RALYL: variants seen among roughly 807,000 people sequenced by gnomAD.
The protein encoded by RALYL is RALY RNA binding protein like.
In RALYL, 29 loss-of-function variants were observed where a neutral mutation model predicts 35.1. That is an observed-to-expected ratio of 0.83 (90% confidence interval 0.61 to 1.13). RALYL has a LOEUF of 1.13. Among genes scored for constraint, RALYL ranks in the 50% most tolerant of loss-of-function variants. The probability of loss-of-function intolerance (pLI) is 0.00; values close to 1 mark genes in which losing one functional copy is unlikely to be tolerated. For missense variants in RALYL, 359 were observed against 360.4 expected (o/e 1.00, Z 0.03); for synonymous variants, 120 against 127.6 (o/e 0.94, Z 0.40).
intron 6 of RALYL, among the ~76,000 whole-genome samples, chr8:84,870,392 G>T (rs1022766651): frequency 6.6e-6 from 1 of 151,448 alleles, no homozygotes; most frequent in Non-Finnish European, 1.5e-5. Flanking sequence ...CAAGTAGCTG[G>T]GATTACAGGT....
rs142562442 is a variant in RALYL, at chr8:84,449,738, C to T, written c.-23-79561C>T. 1.5e-3 allele frequency among the ~76,000 whole-genome samples: 226 copies of T among 152,122 alleles called. 1 individual carries two copies. Among genetic ancestry groups the T allele is most frequent in the African/African-American group, 4.9e-3 (203 of 41,526 alleles). On this transcript the variant is annotated intron_variant, in intron 1 of 8. Transcript: ENST00000521268. ...TTATATTTTACCTGAAATATACTCT[C>T]TACCTTGATTGATTTGTTTTATAAA...
At chr8:84,581,496 C>T (rs1264563624) in intron 2 of RALYL, among the ~76,000 whole-genome samples, 3 of 152,136 alleles carry the variant, frequency 2.0e-5, no homozygotes, top group Admixed American at 6.6e-5. Flanking sequence ...CTGAGGACTA[C>T]GTTAACTGAT....
At chr8:84,657,888 T>C (rs1443272365) in intron 2 of RALYL, among the ~76,000 whole-genome samples, 1 of 152,164 alleles carries the variant, frequency 6.6e-6, no homozygotes, top group Non-Finnish European at 1.5e-5. Flanking sequence ...TATAGATTGC[T>C]GTCCTTTTAC....
At chr8:84,712,390 A>G (rs956222822) in intron 2 of RALYL, among the ~76,000 whole-genome samples, 8 of 152,112 alleles carry the variant, frequency 5.3e-5, no homozygotes, top group Non-Finnish European at 1.0e-4. Flanking sequence ...CCTTAATCAC[A>G]GGCTTTTACA....
intron 1 of RALYL, among the ~76,000 whole-genome samples, chr8:84,438,037 G>T (rs917214966): frequency 6.6e-6 from 1 of 152,138 alleles, no homozygotes; most frequent in Non-Finnish European, 1.5e-5. Context: ...TCCTGTATTT[G>T]TTGGCCATTG....
intron 5 of RALYL, among the ~76,000 whole-genome samples, chr8:84,857,169 G>A (rs1837228852): frequency 6.6e-6 from 1 of 152,038 alleles, no homozygotes; most frequent in Non-Finnish European, 1.5e-5. Flanking sequence ...GAAAAGGAAG[G>A]CTGGAGGTTG....
intron 4 of RALYL, among the ~76,000 whole-genome samples, chr8:84,847,900 G>T (rs1034350301): frequency 2.6e-5 from 4 of 152,100 alleles, no homozygotes; most frequent in African/African-American, 9.7e-5. Context: ...TACCTTCATG[G>T]ATTAGGTCTG....
At chr8:84,442,068 T>C (rs1401495640) in intron 1 of RALYL, among the ~76,000 whole-genome samples, 1 of 152,082 alleles carries the variant, frequency 6.6e-6, no homozygotes, top group Non-Finnish European at 1.5e-5. Flanking sequence ...AACATTTGGA[T>C]AACAGGGAGC....
intron 1 of RALYL, among the ~76,000 whole-genome samples, chr8:84,470,280 C>G (rs527317067): frequency 1.3e-5 from 2 of 152,104 alleles, no homozygotes; most frequent in South Asian, 4.1e-4. Flanking sequence ...CTCTTAAGGC[C>G]TACACTATCA....
intron 2 of RALYL, among the ~76,000 whole-genome samples, chr8:84,722,631 ATATATATATATATATATG>A (rs1203608207): frequency 4.9e-5 from 7 of 143,062 alleles, no homozygotes; most frequent in Admixed American, 7.0e-5. Context: ...ATATATATAT[ATATATATATATATATATG>A]TATGTATATA....
chr8:84,402,078 T>A (rs2042975606), intron 1 of RALYL, among the ~76,000 whole-genome samples: 1 of 152,138 alleles, frequency 6.6e-6, no homozygotes, highest in African/African-American at 2.4e-5. Flanking sequence ...AATGGCAAAT[T>A]GAGAAAAATG....
intron 1 of RALYL, among the ~76,000 whole-genome samples, chr8:84,384,958 C>A (rs1858864038): frequency 6.6e-6 from 1 of 151,758 alleles, no homozygotes. Context: ...ATTCTTGCAA[C>A]ATTTGTTTTG....
At chr8:84,224,977 A>G (rs1461263416) in intron 1 of RALYL, among the ~76,000 whole-genome samples, 2 of 152,106 alleles carry the variant, frequency 1.3e-5, no homozygotes, top group Non-Finnish European at 2.9e-5. Flanking sequence ...CTTTTAAAAC[A>G]CTTAAGCACA....
chr8:84,747,157 T>C (rs111397230), intron 2 of RALYL, among the ~76,000 whole-genome samples: 21 of 151,994 alleles, frequency 1.4e-4, no homozygotes, highest in African/African-American at 5.1e-4. Flanking sequence ...TTCTTTAAAA[T>C]TGTTAGGAGT....
chr8:84,472,307 A>G (rs925303469), intron 1 of RALYL, among the ~76,000 whole-genome samples: 1 of 152,128 alleles, frequency 6.6e-6, no homozygotes, highest in African/African-American at 2.4e-5. Context: ...ATGAATTTTT[A>G]TAATACAGGA....
chr8:84,910,641 G>T (rs933428029), intron 8 of RALYL, among the ~76,000 whole-genome samples: 6 of 152,002 alleles, frequency 3.9e-5, no homozygotes, highest in African/African-American at 1.4e-4. Flanking sequence ...ACTTGAAAAT[G>T]CTCTTTATAT....
intron 3 of RALYL, among the ~76,000 whole-genome samples, chr8:84,776,769 A>C (rs1816943302): frequency 6.6e-6 from 1 of 152,312 alleles, no homozygotes; most frequent in East Asian, 1.9e-4. Context: ...AGCTCATGAC[A>C]TGAATGTCAT....
chr8:84,833,672 C>G (rs914307882), intron 4 of RALYL, among the ~76,000 whole-genome samples: 2 of 150,288 alleles, frequency 1.3e-5, no homozygotes, highest in African/African-American at 4.9e-5. Flanking sequence ...AGAAAGATTT[C>G]ATTATCTTTG....
intron 2 of RALYL, among the ~76,000 whole-genome samples, chr8:84,683,062 A>C (rs536859328): frequency 2.0e-4 from 31 of 152,280 alleles, no homozygotes; most frequent in Admixed American, 2.0e-3. Context: ...CATTGATTTC[A>C]AACACCATCT....
Sources: gnomAD v4.1 joint callset for allele counts (sites outside exome capture counted in the v4.1 genomes callset) on GRCh38, gnomAD v4.1.1 for gene constraint, MANE v1.5 for transcripts, NCBI Gene and HGNC (gene_info 2026-07-23, HGNC 2026-07-21) for gene names.